Variants in ST3GAL2 observed in about 807,000 individuals in gnomAD.
ST3GAL2 encodes the protein CMP-N-acetylneuraminate-beta-galactosamide-alpha-2,3-sialyltransferase 2.
A neutral mutation model predicts 37.5 loss-of-function variants in ST3GAL2; 16 were observed. That is an observed-to-expected ratio of 0.43 (90% CI 0.29 to 0.65). The LOEUF (loss-of-function observed/expected upper bound fraction) is 0.65, where lower values mean the gene tolerates loss of function less well. Ranked by LOEUF, ST3GAL2 falls within the 30% of genes least tolerant of loss-of-function variation. ST3GAL2 has a pLI of 0.17. For missense variants in ST3GAL2, 383 were observed against 487.8 expected, an observed-to-expected ratio of 0.79 and a Z score of 2.02; for synonymous variants, 238 against 202.9, an observed-to-expected ratio of 1.17 and a Z score of -1.47.
chr16:70,402,458 A>G (rs1410561684), intron 1 of ST3GAL2, among the ~76,000 whole-genome samples: 1 of 152,172 alleles, frequency 6.6e-6, no homozygotes, highest in East Asian at 1.9e-4. Flanking sequence ...AATCCATGAA[A>G]AGCTAAAAAA....
At chr16:70,391,348 GCT>G (rs777994796) in intron 3 of ST3GAL2, among the ~76,000 whole-genome samples, 1 of 152,276 alleles carries the variant, frequency 6.6e-6, no homozygotes, top group South Asian at 2.1e-4. Context: ...AAACTAACAT[GCT>G]CTGTCTCCAG....
intron 1 of ST3GAL2, chr16:70,400,075 G>C (rs896837005): frequency 4.6e-5 from 7 of 152,620 alleles, no homozygotes; most frequent in African/African-American, 1.7e-4. Context: ...TCCGCCGTTG[G>C]GGGAGAACCT....
intron 1 of ST3GAL2, among the ~76,000 whole-genome samples, chr16:70,433,026 T>C (rs949952910): frequency 6.6e-6 from 1 of 152,222 alleles, no homozygotes; most frequent in Non-Finnish European, 1.5e-5. Flanking sequence ...ATTCCGGGTG[T>C]GCGGTCAGCA....
Position 70,394,923 on chromosome 16 carries a change from G to A in ST3GAL2, c.533+59C>T, listed in dbSNP as rs2047504934. The A allele has an allele frequency of 2.5e-6, 4 of 1,571,660 alleles. No homozygotes were observed. The South Asian group carries it at 3.4e-5, about 13-fold the overall frequency. On this transcript the variant is annotated intron_variant, in intron 3 of 6. Transcript: ENST00000342907. The stretch of plus-strand genomic sequence containing the variant: ...CACCCTGCCAGACAAGGCAGAGGAG[G>A]GCAGTCCCCTTCCCGGAGGCCCATC...
chr16:70,383,647 A>G (rs1468232119), intron 4 of ST3GAL2, among the ~76,000 whole-genome samples: 1 of 150,900 alleles, frequency 6.6e-6, no homozygotes, highest in African/African-American at 2.4e-5. Flanking sequence ...GGGAAAGGAG[A>G]AAGGAAAGGA....
At chr16:70,435,362 C>A (rs1215038213) in intron 1 of ST3GAL2, among the ~76,000 whole-genome samples, 1 of 151,944 alleles carries the variant, frequency 6.6e-6, no homozygotes, top group East Asian at 1.9e-4. Flanking sequence ...TTCGGAGGCT[C>A]CAGCGGGCGG....
intron 3 of ST3GAL2, 51 bp from the exon 4 acceptor site, chr16:70,388,597 CA>C: frequency 6.6e-7 from 1 of 1,524,322 alleles, no homozygotes; most frequent in South Asian, 1.3e-5. Flanking sequence ...GAAACTGATA[CA>C]AGATTCTTAG....
chr16:70,423,793 G>A (rs537733260), intron 1 of ST3GAL2, among the ~76,000 whole-genome samples: 74 of 151,102 alleles, frequency 4.9e-4, no homozygotes, highest in Non-Finnish European at 8.7e-4. Context: ...TCTCCTGGCC[G>A]GGTGCAGTGG....
At position 70,403,216 on chromosome 16, in the gene ST3GAL2, G is replaced by A. The variant is rs956156547; in HGVS notation, c.-1003-3683C>T. Among the ~76,000 whole-genome samples the A allele has an allele frequency of 5.3e-5, 8 of 152,258 alleles. No homozygotes were observed. The East Asian group carries it at 1.5e-3, about 29-fold the overall frequency. On this transcript the variant is annotated intron_variant, in intron 1 of 6. Transcript: ENST00000342907. ...GGTAGTTGGAGGGTACAAGGAGGGG[G>A]CCCATGGGGAAGGGAAGAGGGGAGC...
chr16:70,390,612 G>C (rs924435919), intron 3 of ST3GAL2, among the ~76,000 whole-genome samples: 1 of 152,180 alleles, frequency 6.6e-6, no homozygotes, highest in Non-Finnish European at 1.5e-5. Context: ...AATGCCCCAA[G>C]TTCTGACGGT....
At position 70,413,748 on chromosome 16, in the gene ST3GAL2, T is replaced by TAATAAATAAATA. The variant is rs56300235; in HGVS notation, c.-1003-14227_-1003-14216dup. On this transcript the variant is annotated intron_variant, in intron 1 of 6. Transcript: ENST00000342907. ...CGAAACTCCATCTCAAAAAAGAAAA[T>TAATAAATAAATA]AATAAATAAATAAATAAATAAATAA... Among the ~76,000 whole-genome samples the TAATAAATAAATA allele has an allele frequency of 1.3e-3, 182 of 145,472 alleles. 2 individuals carry two copies. The highest frequency in any genetic ancestry group is 3.9e-3 in the African/African-American group (154 of 39,156).
At chr16:70,431,521 G>T (rs2047789773) in intron 1 of ST3GAL2, among the ~76,000 whole-genome samples, 1 of 152,156 alleles carries the variant, frequency 6.6e-6, no homozygotes, top group Admixed American at 6.6e-5. Context: ...AAGCTGGGTT[G>T]TTTTCAACAT....
At chr16:70,433,839 C>T (rs769311221) in intron 1 of ST3GAL2, among the ~76,000 whole-genome samples, 7 of 152,220 alleles carry the variant, frequency 4.6e-5, no homozygotes, top group Non-Finnish European at 7.3e-5. Context: ...TTACTACTTT[C>T]TAAATAAATC....
chr16:70,431,653 C>T (rs2047790503), intron 1 of ST3GAL2, among the ~76,000 whole-genome samples: 1 of 143,838 alleles, frequency 7.0e-6, no homozygotes, highest in Admixed American at 6.6e-5. Context: ...AGCAAAACTC[C>T]CATCTCTTTA....
At position 70,416,028 on chromosome 16, in the gene ST3GAL2, G is replaced by A. The variant is rs546167069; in HGVS notation, c.-1003-16495C>T. ...TGACTTCAAGTGATCCACCCACCTC[G>A]GCCTCCCAAAGTGCTGTGATTACAG... On this transcript the variant is annotated intron_variant, in intron 1 of 6. Transcript: ENST00000342907. 1.8e-4 allele frequency among the ~76,000 whole-genome samples: 28 copies of A among 151,496 alleles called. No individual in the cohort carries two copies. In the East Asian group the frequency reaches 4.5e-3, roughly 24 times the overall value.
At chr16:70,392,885 A>C (rs1979595) in intron 3 of ST3GAL2, among the ~76,000 whole-genome samples, 107,688 of 151,742 alleles carry the variant, frequency 0.71, 38,679 homozygotes, top group Non-Finnish European at 0.77. Context: ...CTTGGGCTCA[A>C]ACGATCCTCC....
chr16:70,409,533 G>C (rs1032192643), intron 1 of ST3GAL2, among the ~76,000 whole-genome samples: 4 of 152,036 alleles, frequency 2.6e-5, no homozygotes, highest in Non-Finnish European at 4.4e-5. Flanking sequence ...AGTCGAGATG[G>C]GGTTTAACCG....
chr16:70,402,965 A>T (rs964877664), intron 1 of ST3GAL2, among the ~76,000 whole-genome samples: 1 of 152,198 alleles, frequency 6.6e-6, no homozygotes, highest in African/African-American at 2.4e-5. Context: ...AGTATTTCTT[A>T]TGTTTATTCT....
intron 1 of ST3GAL2, chr16:70,400,139 G>C (rs1008992633): frequency 6.6e-6 from 1 of 152,386 alleles, no homozygotes; most frequent in Non-Finnish European, 1.5e-5. Flanking sequence ...GGACAGCCCT[G>C]AGGGCAGTTG....
Sources: gnomAD v4.1 joint callset for allele counts (sites outside exome capture counted in the v4.1 genomes callset) on GRCh38, gnomAD v4.1.1 for gene constraint, MANE v1.5 for transcripts, NCBI Gene and HGNC (gene_info 2026-07-23, HGNC 2026-07-21) for gene names.